Variants in SLC1A2 observed in about 807,000 individuals in gnomAD.
SLC1A2 encodes the protein excitatory amino acid transporter 2.
In SLC1A2, 15 loss-of-function variants were observed where a neutral mutation model predicts 48.8. The ratio of observed to expected loss-of-function variants is 0.31; its 90% CI spans 0.21 to 0.47. The LOEUF (loss-of-function observed/expected upper bound fraction) is 0.47, where lower values mean the gene tolerates loss of function less well. Among genes scored for constraint, SLC1A2 ranks in the 20% least tolerant of loss-of-function variants. The pLI is 0.99. For synonymous variants in SLC1A2, 279 were observed against 272.6 expected, an observed-to-expected ratio of 1.02 and a Z score of -0.23; for missense variants, 502 against 730.5, an observed-to-expected ratio of 0.69 and a Z score of 3.61.
intron 1 of SLC1A2, among the ~76,000 whole-genome samples, chr11:35,325,891 G>A (rs759747868): frequency 1.3e-5 from 2 of 150,492 alleles, no homozygotes; most frequent in African/African-American, 4.9e-5. Context: ...TTGAACCCAG[G>A]AGGTGGAGGT....
chr11:35,345,157 G>A (rs1450309160), intron 1 of SLC1A2, among the ~76,000 whole-genome samples: 2 of 152,186 alleles, frequency 1.3e-5, no homozygotes, highest in Non-Finnish European at 1.5e-5. Context: ...CCTGTTTCAT[G>A]CCAGTATCAC....
At chr11:35,393,951 G>A (rs1357636701) in intron 1 of SLC1A2, among the ~76,000 whole-genome samples, 2 of 151,944 alleles carry the variant, frequency 1.3e-5, no homozygotes, top group African/African-American at 2.4e-5. Context: ...AAGGTCCCAC[G>A]GCCCTTGAAG....
chr11:35,306,405 T>C lies in SLC1A2; in HGVS notation c.562-163A>G, dbSNP rs568692043. On this transcript the variant is annotated intron_variant, in intron 4 of 10. Transcript: ENST00000278379. Reference sequence around the variant, plus strand: ...AACTGGAGAATATTTTATATGTCTATATTTACAAAGTGGTGTTTTATTATA... The same window carrying C: ...AACTGGAGAATATTTTATATGTCTACATTTACAAAGTGGTGTTTTATTATA... Among the ~76,000 whole-genome samples, 12 of 152,352 alleles carry C rather than the reference T, an allele frequency of 7.9e-5. No individual in the cohort carries two copies. In the South Asian group the frequency reaches 2.3e-3, roughly 29 times the overall value.
rs1467665418 is a variant in SLC1A2, at chr11:35,417,665, C to T, written c.17+1285G>A. ...ATAATAATCAAAAAAGTCTAAACTG[C>T]AAAATAGGGCAAAGGGAGAGACAAA... On this transcript the variant is annotated intron_variant, in intron 1 of 10. Coordinates refer to ENST00000278379, the MANE Select transcript of SLC1A2 (RefSeq NM_004171.4). 3.3e-5 allele frequency among the ~76,000 whole-genome samples: 5 copies of T among 152,082 alleles called. No homozygotes were observed. The East Asian group carries it at 9.6e-4, about 29-fold the overall frequency.
intron 6 of SLC1A2, among the ~76,000 whole-genome samples, chr11:35,294,072 T>C (rs1321222585): frequency 6.6e-6 from 1 of 152,218 alleles, no homozygotes; most frequent in African/African-American, 2.4e-5. Flanking sequence ...AGGCATTCCT[T>C]GTAGGTTCTG....
At chr11:35,383,668 A>G (rs1475096040) in intron 1 of SLC1A2, among the ~76,000 whole-genome samples, 1 of 152,260 alleles carries the variant, frequency 6.6e-6, no homozygotes, top group Non-Finnish European at 1.5e-5. Context: ...CATTTAAAAC[A>G]ATGCCTGGCA....
intron 1 of SLC1A2, chr11:35,392,385 A>T (rs548852190): frequency 3.9e-5 from 6 of 152,378 alleles, no homozygotes; most frequent in African/African-American, 7.2e-5. Context: ...GAGGGCATCC[A>T]GCAAAAGTAG....
chr11:35,276,309 ACTCCTCC>A (rs1225875531), intron 9 of SLC1A2, among the ~76,000 whole-genome samples: 1 of 150,998 alleles, frequency 6.6e-6, no homozygotes, highest in Non-Finnish European at 1.5e-5. Flanking sequence ...CCTTGATCAC[ACTCCTCC>A]CTCCATTTGA....
At chr11:35,302,504 G>C (rs1411453065) in intron 5 of SLC1A2, among the ~76,000 whole-genome samples, 1 of 152,090 alleles carries the variant, frequency 6.6e-6, no homozygotes, top group East Asian at 1.9e-4. Context: ...CTAACCCCAG[G>C]AAAGATTTAA....
chr11:35,377,870 A>G lies in SLC1A2; in HGVS notation c.17+41080T>C, dbSNP rs555197611. Among the ~76,000 whole-genome samples the G allele has an allele frequency of 6.6e-5, 10 of 152,336 alleles. No individual in the cohort carries two copies. The South Asian group carries it at 2.1e-3, about 32-fold the overall frequency. ...TGACATGTTCTAGCTTATCTAGAAA[A>G]TTGCAAGCATTCTTTTTCTTTATCC... On this transcript the variant is annotated intron_variant, in intron 1 of 10. Coordinates refer to ENST00000278379, the MANE Select transcript of SLC1A2 (RefSeq NM_004171.4).
intron 1 of SLC1A2, among the ~76,000 whole-genome samples, chr11:35,353,468 C>G (rs1853340070): frequency 6.6e-6 from 1 of 152,216 alleles, no homozygotes; most frequent in Admixed American, 6.5e-5. Context: ...CATCATCCCC[C>G]ACTAGACTGT....
At chr11:35,414,929 T>A (rs921121627) in intron 1 of SLC1A2, among the ~76,000 whole-genome samples, 2 of 152,200 alleles carry the variant, frequency 1.3e-5, no homozygotes, top group Non-Finnish European at 2.9e-5. Flanking sequence ...CAATTCAGTT[T>A]GCCTTTAAAA....
In SLC1A2 at chr11:35,256,654, C is replaced by A. The variant is rs928551540; in HGVS notation, c.*4240G>T. The A allele has an allele frequency of 1.3e-5, 2 of 152,054 alleles. No homozygotes were observed. The highest frequency in any genetic ancestry group is 2.9e-5 in the Non-Finnish European group (2 of 68,016). 9.4% of individuals were successfully genotyped at this position (152,054 alleles called of 1,614,324 possible). A position where few individuals can be genotyped will look rare whatever the true frequency, so the allele number is the denominator to read the frequency against. The stretch of plus-strand genomic sequence containing the variant: ...GTCTTCTTCTGCCTCCAGACTCTAG[C>A]ATTCTTATTCAAGGAGCAAGTATGA... On this transcript the variant is annotated 3_prime_UTR_variant, in exon 11 of 11. Transcript: ENST00000278379.
rs375306774 is a variant in SLC1A2 at position 35,296,531 on chromosome 11, T to C, written c.858-4011A>G. Among the ~76,000 whole-genome samples the C allele has an allele frequency of 7.2e-5, 11 of 152,170 alleles. No individual in the cohort carries two copies. The East Asian group carries it at 1.2e-3, about 16-fold the overall frequency. On this transcript the variant is annotated intron_variant, in intron 6 of 10. Coordinates refer to ENST00000278379, the MANE Select transcript of SLC1A2 (RefSeq NM_004171.4). ...GTTTATTATTCCTCCAGAGACTTCC[T>C]TTTGCAAGGAAATGAAATTCCAACC...
chr11:35,414,961 G>A (rs1049997110), intron 1 of SLC1A2, among the ~76,000 whole-genome samples: 1 of 152,164 alleles, frequency 6.6e-6, no homozygotes, highest in Non-Finnish European at 1.5e-5. Flanking sequence ...AGACATCAGG[G>A]CATTGTGTGA....
rs1950306311 is a variant in SLC1A2, at chr11:35,255,726, G to T, written c.*5168C>A. The T allele has an allele frequency of 1.3e-5, 2 of 152,164 alleles. No homozygotes were observed. Among genetic ancestry groups the T allele is most frequent in the Admixed American group, 6.5e-5 (1 of 15,270 alleles). 9.4% of individuals were successfully genotyped at this position (152,164 alleles called of 1,614,324 possible). A position where few individuals can be genotyped will look rare whatever the true frequency, so the allele number is the denominator to read the frequency against. On this transcript the variant is annotated 3_prime_UTR_variant, in exon 11 of 11. Coordinates refer to ENST00000278379, the MANE Select transcript of SLC1A2 (RefSeq NM_004171.4). ...TAGGTTCATCCAGTCCTCTCATGTT[G>T]ACTCTGGAAACATTTTTCCGTGAGC...
intron 1 of SLC1A2, among the ~76,000 whole-genome samples, chr11:35,401,636 C>T (rs530837334): frequency 3.3e-5 from 5 of 152,090 alleles, no homozygotes; most frequent in African/African-American, 7.2e-5. Context: ...TTGGTTTACA[C>T]GTCCTAGCTG....
chr11:35,328,105 A>T (rs1852305415), intron 1 of SLC1A2, among the ~76,000 whole-genome samples: 1 of 152,202 alleles, frequency 6.6e-6, no homozygotes, highest in African/African-American at 2.4e-5. Context: ...TGTCTTGGAC[A>T]ATATATGCTG....
intron 9 of SLC1A2, among the ~76,000 whole-genome samples, chr11:35,272,294 T>A (rs1367810008): frequency 6.6e-6 from 1 of 152,216 alleles, no homozygotes; most frequent in Admixed American, 6.5e-5. Flanking sequence ...GGTAAGATTA[T>A]GAAAATAGGT....
Sources: gnomAD v4.1 joint callset for allele counts (sites outside exome capture counted in the v4.1 genomes callset) on GRCh38, gnomAD v4.1.1 for gene constraint, MANE v1.5 for transcripts, NCBI Gene and HGNC (gene_info 2026-07-23, HGNC 2026-07-21) for gene names.